Variants in LONRF2 observed in about 807,000 individuals in gnomAD.
The protein encoded by LONRF2 is LON peptidase N-terminal domain and ring finger 2, also known as LON peptidase N-terminal domain and RING finger protein 2.
Under a neutral mutation model 66.6 loss-of-function variants are expected in LONRF2, and 35 were observed. That is an observed-to-expected ratio of 0.53 (90% CI 0.40 to 0.70). The LOEUF (loss-of-function observed/expected upper bound fraction) is 0.70. Among genes scored for constraint, LONRF2 ranks in the 30% least tolerant of loss-of-function variants. The pLI, the probability that LONRF2 is intolerant of heterozygous loss-of-function variation, is 0.00. For synonymous variants in LONRF2, 417 were observed against 418.1 expected, an observed-to-expected ratio of 1.00 and a Z score of 0.03; for missense variants, 902 against 1,002.1, an observed-to-expected ratio of 0.90 and a Z score of 1.35.
rs2309821 is a variant in LONRF2, at chr2:100,283,842, T to C, written c.*456A>G. 106,905 of 153,186 alleles carry C rather than the reference T, an allele frequency of 0.7. 37,837 individuals carry two copies. The highest frequency in any genetic ancestry group is 0.95 in the East Asian group (4,930 of 5,178). 9.5% of individuals were successfully genotyped at this position (153,186 alleles called of 1,614,324 possible). ...AACACGCAAAGCCTAAGCGTAGTTTTGGTTAGCCTGTGTTCTAAGAAATCC... is the reference window on the plus strand; with the variant it reads ...AACACGCAAAGCCTAAGCGTAGTTTCGGTTAGCCTGTGTTCTAAGAAATCC... On this transcript the variant is annotated 3_prime_UTR_variant, in exon 12 of 12. Coordinates refer to ENST00000393437, the MANE Select transcript of LONRF2 (RefSeq NM_198461.4).
Position 100,298,943 on chromosome 2 carries a change from A to G in LONRF2, c.1369T>C (p.Phe457Leu). Reference protein sequence around the residue: ...FECALCMRLLFEPVTTPCGHT... With the variant: ...FECALCMRLLLEPVTTPCGHT... ...CCACAGGGCGTAGTGACAGGTTCAA[A>G]GAGCAATCTGGAAGAAAATATCTGT... The change falls in exon 7 of 12, where the codon TTT (phenylalanine) becomes CTT (leucine). Residue 457 changes from phenylalanine (F) to leucine (L), a missense_variant. Phe to Leu is a conservative substitution (Grantham distance 22). Around this residue, in one of 2 missense-constraint regions of LONRF2, gnomAD observed 317 missense variants for 432.2 expected, o/e 0.73. Coordinates refer to ENST00000393437, the MANE Select transcript of LONRF2 (RefSeq NM_198461.4). The G allele has an allele frequency of 6.2e-7, 1 of 1,611,962 alleles. No homozygotes were observed. The highest frequency in any genetic ancestry group is 8.5e-7 in the Non-Finnish European group (1 of 1,177,970).
chr2:100,286,498 T>C (rs999571659), intron 11 of LONRF2, among the ~76,000 whole-genome samples: 4 of 152,220 alleles, frequency 2.6e-5, no homozygotes, highest in Non-Finnish European at 5.9e-5. Flanking sequence ...GTCACGCTAC[T>C]AATGTCACAA....
Position 100,278,791 on chromosome 2 carries a change from C to G in LONRF2, c.*5507G>C, listed in dbSNP as rs1165237103. ...AACTTTGTCCCAGATATTAAAACCT[C>G]TGCCCTAGCGATGTCCACGGGCTAC... On this transcript the variant is annotated 3_prime_UTR_variant, in exon 12 of 12. Transcript: ENST00000393437. The G allele has an allele frequency of 6.6e-6, 1 of 152,234 alleles. No homozygotes were observed. The highest frequency in any genetic ancestry group is 6.5e-5 in the Admixed American group (1 of 15,288). 9.4% of individuals were successfully genotyped at this position (152,234 alleles called of 1,614,324 possible).
At chr2:100,298,662 A>G (rs1396261963) in intron 7 of LONRF2, among the ~76,000 whole-genome samples, 174 bp downstream of exon 7, 1 of 152,210 alleles carries the variant, frequency 6.6e-6, no homozygotes, top group African/African-American at 2.4e-5. Context: ...CTGTATGTCA[A>G]CCTTCCTTGT....
chr2:100,319,670 T>G (rs1675582189), intron 1 of LONRF2, among the ~76,000 whole-genome samples: 1 of 152,264 alleles, frequency 6.6e-6, no homozygotes, highest in East Asian at 1.9e-4. Context: ...ACATTGTAGT[T>G]TGTAACTGTA....
chr2:100,284,352 C>T lies in LONRF2; in HGVS notation c.2211G>A (p.Thr737=), dbSNP rs577537034. 25 of 1,591,918 alleles carry T rather than the reference C, an allele frequency of 1.6e-5. No homozygotes were observed. The highest frequency in any genetic ancestry group is 1.7e-4 in the Middle Eastern group (1 of 6,024). ...LAIRRILVII[T]RKMNSRQELA... is the part of the protein sequence containing the mutation. Reference sequence around the variant, plus strand: ...GCTCTTGCCGACTATTCATCTTACGCGTGATGATGACTAATATCCGTCGGA... The same window carrying T: ...GCTCTTGCCGACTATTCATCTTACGTGTGATGATGACTAATATCCGTCGGA... Residue 737 remains threonine, a synonymous_variant, in exon 12 of 12, where the codon ACG becomes ACA. Coordinates refer to ENST00000393437, the MANE Select transcript of LONRF2 (RefSeq NM_198461.4).
chr2:100,318,667 C>A (rs13021801), intron 1 of LONRF2, among the ~76,000 whole-genome samples: 63,821 of 149,960 alleles, frequency 0.43, 14,628 homozygotes, highest in East Asian at 0.76. Flanking sequence ...CTCTACTAAA[C>A]ACACACACAA....
chr2:100,304,217 A>T (rs1423810027), intron 2 of LONRF2, among the ~76,000 whole-genome samples: 1 of 152,020 alleles, frequency 6.6e-6, no homozygotes, highest in African/African-American at 2.4e-5. Context: ...CAATGGCATG[A>T]TCACATCTCA....
Position 100,290,282 on chromosome 2 carries a change from GTCC to G in LONRF2, c.1893_1895del (p.Asp632del). On this transcript the variant is annotated inframe_deletion, in exon 10 of 12. Coordinates refer to ENST00000393437, the MANE Select transcript of LONRF2 (RefSeq NM_198461.4). ...CCTTTTCATCTTCAAGATATTCAAT[GTCC>G]GCTGTGTTATAGCCATCTCTGTGGC... The G allele has an allele frequency of 1.9e-6, 3 of 1,613,284 alleles. No homozygotes were observed. The highest frequency in any genetic ancestry group is 2.5e-6 in the Non-Finnish European group (3 of 1,179,720).
At chr2:100,311,191 T>G (rs1283403315) in intron 1 of LONRF2, among the ~76,000 whole-genome samples, 2 of 152,180 alleles carry the variant, frequency 1.3e-5, no homozygotes, top group African/African-American at 4.8e-5. Flanking sequence ...ATTAGATTAT[T>G]TCCAACTAAA....
chr2:100,290,666 G>A (rs17023901), intron 9 of LONRF2, among the ~76,000 whole-genome samples: 41,291 of 151,796 alleles, frequency 0.27, 6,680 homozygotes, highest in East Asian at 0.45. Context: ...GTGCCTTAGC[G>A]GTTCCAACGG....
intron 8 of LONRF2, 133 bp from the exon 9 acceptor site, chr2:100,294,520 G>A: frequency 2.8e-6 from 2 of 722,088 alleles, no homozygotes; most frequent in South Asian, 2.8e-5. Context: ...AGGCTAAGAG[G>A]GACAAGAAAG....
chr2:100,319,575 T>C (rs1247055536), intron 1 of LONRF2, among the ~76,000 whole-genome samples: 1 of 152,214 alleles, frequency 6.6e-6, no homozygotes, highest in East Asian at 1.9e-4. Flanking sequence ...TTTGTCTGTT[T>C]GGGCTTACAG....
rs1674753467 is a variant in LONRF2 at position 100,282,143 on chromosome 2, T to C, written c.*2155A>G. On this transcript the variant is annotated 3_prime_UTR_variant, in exon 12 of 12. Coordinates refer to ENST00000393437, the MANE Select transcript of LONRF2 (RefSeq NM_198461.4). ...GTTGCTCTCGTCTGCGTCATCATTG[T>C]TGTTCAGACTTTTACATAACATGCC... The C allele has an allele frequency of 6.6e-6, 1 of 152,218 alleles. No homozygotes were observed. The highest frequency in any genetic ancestry group is 1.5e-5 in the Non-Finnish European group (1 of 68,046). 9.4% of individuals were successfully genotyped at this position (152,218 alleles called of 1,614,324 possible). A position where few individuals can be genotyped will look rare whatever the true frequency, so the allele number is the denominator to read the frequency against.
chr2:100,322,057 GGGGC>G lies in LONRF2; in HGVS notation c.33_36del (p.Pro12SerfsTer15). On this transcript the variant is annotated frameshift_variant, in exon 1 of 12. Transcript: ENST00000393437. LOFTEE classifies it high-confidence loss of function. ...TCCGCGCGGTCGCAGCCAGGACACT[GGGGC>G]GGCGGCGGCGGCGGGACCGGCTCGG... is the stretch of plus-strand genomic sequence containing the variant. 1 of 1,315,178 alleles carries G rather than the reference GGGGC, an allele frequency of 7.6e-7. No homozygotes were observed. The highest frequency in any genetic ancestry group is 2.0e-5 in the South Asian group (1 of 49,832). 81.5% of individuals were successfully genotyped at this position (1,315,178 alleles called of 1,614,324 possible).
chr2:100,299,301 C>G lies in LONRF2; in HGVS notation c.1286G>C (p.Ser429Thr). 1 of 1,582,218 alleles carries G rather than the reference C, an allele frequency of 6.3e-7. No individual in the cohort carries two copies. The highest frequency in any genetic ancestry group is 8.6e-7 in the Non-Finnish European group (1 of 1,164,370). ...ACTTTCTTCTGTCTCAGAGTTTGGGCTCCTTTGAAGTGAGAGATCTGAATG... is the reference window on the plus strand; with the variant it reads ...ACTTTCTTCTGTCTCAGAGTTTGGGGTCCTTTGAAGTGAGAGATCTGAATG... ...IPKKDLSLQR[S>T]PNSETEESQG... is the part of the protein sequence containing the mutation. Residue 429 changes from serine to threonine, a missense_variant, in exon 6 of 12, where the codon AGC becomes ACC. Around this residue, in one of 2 missense-constraint regions of LONRF2, gnomAD observed 585 missense variants for 569.9 expected, o/e 1.03. Transcript: ENST00000393437.
At position 100,321,623 on chromosome 2, in the gene LONRF2, G is replaced by A. The variant is rs772240965; in HGVS notation, c.471C>T (p.Pro157=). ...AGCGCTTGCAGACTGTGAGCCCGCA[G>A]GGCAGCGTCACCGGCTTATGCAGCA... ...RRLLHKPVTL[P]CGLTVCKRCV... is the part of the protein sequence containing the mutation. The change falls in exon 1 of 12, where the codon CCC becomes CCT. Residue 157 remains proline, a synonymous_variant. Transcript: ENST00000393437. The A allele has an allele frequency of 2.7e-6, 4 of 1,490,118 alleles. No individual in the cohort carries two copies. The highest frequency in any genetic ancestry group is 1.3e-5 in the South Asian group (1 of 79,026). The allele number at this position is 1,490,118 out of a possible 1,614,324, so 92.3% of individuals were successfully genotyped here. A position where few individuals can be genotyped will look rare whatever the true frequency, so the allele number is the denominator to read the frequency against.
chr2:100,276,148 G>A lies in LONRF2; in HGVS notation c.*8150C>T, dbSNP rs556123417. ...GAAACATTTAACCAAAACATAAAAG[G>A]GTGCCTATTGGCTTTTGTGTCTCCA... On this transcript the variant is annotated 3_prime_UTR_variant, in exon 12 of 12. Coordinates refer to ENST00000393437, the MANE Select transcript of LONRF2 (RefSeq NM_198461.4). The A allele has an allele frequency of 3.9e-5, 6 of 151,994 alleles. No individual in the cohort carries two copies. The highest frequency in any genetic ancestry group is 1.4e-4 in the African/African-American group (6 of 41,414). 9.4% of individuals were successfully genotyped at this position (151,994 alleles called of 1,614,324 possible). A position where few individuals can be genotyped will look rare whatever the true frequency, so the allele number is the denominator to read the frequency against.
Position 100,286,929 on chromosome 2 carries a change from T to C in LONRF2, c.2055A>G (p.Arg685=), listed in dbSNP as rs770411809. 6.2e-7 allele frequency: 1 copy of C among 1,613,842 alleles called. No homozygotes were observed. The highest frequency in any genetic ancestry group is 8.5e-7 in the Non-Finnish European group (1 of 1,179,876). The change falls in exon 11 of 12, where the codon AGA becomes AGG. Residue 685 remains arginine, a synonymous_variant. Transcript: ENST00000393437. ...GAGGGCATACCTGAGGCTCAGGTTC[T>C]CTGTCTGGCATTACCCCAAAATGAC... ...ILSHFGVMPD[R]EPEPQSNPSG... is the part of the protein sequence containing the mutation.
Sources: allele counts gnomAD v4.1 joint callset (sites outside exome capture counted in the v4.1 genomes callset), GRCh38; gene constraint gnomAD v4.1.1; regional missense constraint gnomAD v4.1.1; transcripts MANE v1.5; gene names NCBI Gene and HGNC (gene_info 2026-07-23, HGNC 2026-07-21).